The following KAZN variants were observed in gnomAD, a reference collection of about 807,000 sequenced individuals.
KAZN encodes the protein kazrin.
Under a neutral mutation model 87.4 loss-of-function variants are expected in KAZN, and 40 were observed. That is an observed-to-expected ratio of 0.46 (90% CI 0.36 to 0.60). The LOEUF (loss-of-function observed/expected upper bound fraction) is 0.60, where lower values mean the gene tolerates loss of function less well. Among genes scored for constraint, KAZN ranks in the 20% least tolerant of loss-of-function variants. KAZN has a pLI of 0.00. For missense variants in KAZN, 898 were observed against 1,073.9 expected, an observed-to-expected ratio of 0.84 and a Z score of 2.29; for synonymous variants, 466 against 458.3, an observed-to-expected ratio of 1.02 and a Z score of -0.22.
In KAZN at chr1:14,435,483, C is replaced by T. The variant is rs10927433; in HGVS notation, c.250-163500C>T. On this transcript the variant is annotated intron_variant, in intron 2 of 16. Transcript: ENST00000636203. ...GGGGGCAGCTCAGAGGCATGACCCG[C>T]GCCACCTGGCCAGTTTTCCCAGCTG... Among the ~76,000 whole-genome samples, 885 of 152,300 alleles carry T rather than the reference C, an allele frequency of 5.8e-3. 7 individuals carry two copies. The highest frequency in any genetic ancestry group is 0.02 in the African/African-American group (818 of 41,554).
At chr1:14,157,334 G>C (rs2101816206) in intron 1 of KAZN, among the ~76,000 whole-genome samples, 1 of 152,266 alleles carries the variant, frequency 6.6e-6, no homozygotes, top group South Asian at 2.1e-4. Flanking sequence ...ACTGTTAGCA[G>C]TGAGCTTTGG....
At chr1:14,967,572 C>T (rs975745880) in intron 2 of KAZN, among the ~76,000 whole-genome samples, 4 of 152,318 alleles carry the variant, frequency 2.6e-5, no homozygotes, top group African/African-American at 9.6e-5. Flanking sequence ...TGGGATGAGT[C>T]TCCGGTGGGC....
intron 2 of KAZN, among the ~76,000 whole-genome samples, chr1:14,556,857 A>C (rs1274641698): frequency 6.6e-6 from 1 of 152,176 alleles, no homozygotes. Flanking sequence ...CTTAGTGCCC[A>C]ACTTTAAATA....
chr1:14,200,231 A>T (rs980974566), intron 2 of KAZN, among the ~76,000 whole-genome samples: 4 of 152,188 alleles, frequency 2.6e-5, no homozygotes, highest in Non-Finnish European at 5.9e-5. Context: ...AAACGCAATT[A>T]GGTAGATCTA....
chr1:14,202,885 G>T (rs960258206), intron 2 of KAZN, among the ~76,000 whole-genome samples: 2 of 151,942 alleles, frequency 1.3e-5, no homozygotes, highest in South Asian at 2.1e-4. Context: ...GGGCATGGTC[G>T]TGGGCGCCTG....
chr1:13,896,975 A>G (rs976571418), intron 1 of KAZN, among the ~76,000 whole-genome samples: 2 of 152,140 alleles, frequency 1.3e-5, no homozygotes, highest in African/African-American at 4.8e-5. Flanking sequence ...CAGTAGTGGG[A>G]GCATGAAGGT....
chr1:15,107,325 C>CT (rs1370706628), intron 13 of KAZN, among the ~76,000 whole-genome samples: 2 of 152,144 alleles, frequency 1.3e-5, no homozygotes, highest in African/African-American at 4.8e-5. Flanking sequence ...CTCTCTTTCC[C>CT]TTTTTTAATA....
chr1:14,053,251 A>G (rs1642416465), intron 1 of KAZN, among the ~76,000 whole-genome samples: 1 of 152,254 alleles, frequency 6.6e-6, no homozygotes, highest in African/African-American at 2.4e-5. Context: ...TAGTTCTACT[A>G]CCATGAGAAA....
chr1:15,006,057 C>T (rs1668968760), intron 2 of KAZN, among the ~76,000 whole-genome samples: 1 of 152,194 alleles, frequency 6.6e-6, no homozygotes, highest in Non-Finnish European at 1.5e-5. Context: ...TGAGCTGTGT[C>T]AGAGACAGTT....
At chr1:14,087,095 A>T (rs1328613891) in intron 1 of KAZN, among the ~76,000 whole-genome samples, 1 of 152,202 alleles carries the variant, frequency 6.6e-6, no homozygotes. Flanking sequence ...CGTCACCATC[A>T]TCATCATAGT....
intron 7 of KAZN, among the ~76,000 whole-genome samples, chr1:15,065,312 G>A (rs1165727632): frequency 6.6e-6 from 1 of 152,174 alleles, no homozygotes; most frequent in Admixed American, 6.5e-5. Flanking sequence ...ACAGGTGTGA[G>A]CCACCGTGCC....
intron 1 of KAZN, among the ~76,000 whole-genome samples, chr1:14,091,267 G>A (rs143362305): frequency 6.6e-6 from 1 of 152,164 alleles, no homozygotes; most frequent in Non-Finnish European, 1.5e-5. Flanking sequence ...ACCAGGCTCT[G>A]TGTGGTTCCC....
At chr1:14,409,408 G>T (rs1045212622) in intron 2 of KAZN, among the ~76,000 whole-genome samples, 1 of 152,186 alleles carries the variant, frequency 6.6e-6, no homozygotes, top group African/African-American at 2.4e-5. Context: ...CCACCTACCT[G>T]CCCAGGAAGA....
rs566495531 is a variant in KAZN, at chr1:13,963,892, C to T, written c.91+70136C>T. 2.6e-5 allele frequency among the ~76,000 whole-genome samples: 4 copies of T among 151,672 alleles called. No homozygotes were observed. In the South Asian group the frequency reaches 8.4e-4, roughly 32 times the overall value. ...TACCTGTGTTTTAATCCTACTTCTG[C>T]CAATTGCCAGCTGTGCTATCTGGTT... On this transcript the variant is annotated intron_variant, in intron 1 of 16. Transcript: ENST00000636203.
intron 1 of KAZN, among the ~76,000 whole-genome samples, chr1:14,620,693 A>T (rs1678628373): frequency 6.6e-6 from 1 of 152,222 alleles, no homozygotes; most frequent in South Asian, 2.1e-4. Context: ...CTCAAGTAAC[A>T]GTCATGAGCT....
intron 2 of KAZN, among the ~76,000 whole-genome samples, chr1:14,489,453 G>A (rs546241845): frequency 6.6e-6 from 1 of 152,150 alleles, no homozygotes; most frequent in Non-Finnish European, 1.5e-5. Context: ...TTTTGGGCTG[G>A]GCACAGCGGC....
intron 1 of KAZN, among the ~76,000 whole-genome samples, chr1:14,050,624 C>G (rs1642288178): frequency 6.6e-6 from 1 of 152,212 alleles, no homozygotes; most frequent in Non-Finnish European, 1.5e-5. Context: ...AATCACTTCC[C>G]TCCCTCGACA....
At chr1:14,611,379 G>A (rs1677805756) in intron 1 of KAZN, among the ~76,000 whole-genome samples, 1 of 152,160 alleles carries the variant, frequency 6.6e-6, no homozygotes, top group Non-Finnish European at 1.5e-5. Context: ...GTATTTTTGA[G>A]GATCAAAATG....
intron 1 of KAZN, among the ~76,000 whole-genome samples, chr1:14,872,192 T>C (rs1652219749): frequency 6.6e-6 from 1 of 152,158 alleles, no homozygotes; most frequent in African/African-American, 2.4e-5. Context: ...TCATACTGAC[T>C]GGGGGACTTC....
Sources: allele counts gnomAD v4.1 joint callset (sites outside exome capture counted in the v4.1 genomes callset), GRCh38; gene constraint gnomAD v4.1.1; transcripts MANE v1.5; gene names NCBI Gene and HGNC (gene_info 2026-07-23, HGNC 2026-07-21).